NKIRAS1: variants seen among roughly 807,000 people sequenced by gnomAD.
NKIRAS1 encodes the protein NFKB inhibitor interacting Ras like 1.
A neutral mutation model predicts 19.8 loss-of-function variants in NKIRAS1; 16 were observed. The ratio of observed to expected loss-of-function variants is 0.81; its 90% CI spans 0.55 to 1.23. The LOEUF (loss-of-function observed/expected upper bound fraction) is 1.23, where lower values mean the gene tolerates loss of function less well. NKIRAS1 is among the 50% of genes most tolerant of loss of function. The pLI is 0.00. For missense variants in NKIRAS1, 184 were observed against 220.0 expected, an observed-to-expected ratio of 0.84 and a Z score of 1.04; for synonymous variants, 88 against 79.0, an observed-to-expected ratio of 1.11 and a Z score of -0.61.
chr3:23,929,788 T>A (rs6550810), intron 1 of NKIRAS1, among the ~76,000 whole-genome samples: 95,327 of 151,914 alleles, frequency 0.63, 30,166 homozygotes, highest in Middle Eastern at 0.72. Context: ...CAGACTTCTT[T>A]AACATAATAC....
At chr3:23,906,969 C>G (rs931858000) in intron 3 of NKIRAS1, among the ~76,000 whole-genome samples, 3 of 152,126 alleles carry the variant, frequency 2.0e-5, no homozygotes, top group African/African-American at 7.2e-5. Flanking sequence ...TCTTGGCTCA[C>G]GATAAACTCT....
chr3:23,919,363 G>A (rs373573769), upstream of NKIRAS1: 74 of 1,602,600 alleles, frequency 4.6e-5, no homozygotes, highest in African/African-American at 9.3e-4. Flanking sequence ...ACAAGCACAG[G>A]GAGATGCGTG....
At chr3:23,917,934 C>G (rs35629664), upstream of NKIRAS1, 10,209 of 1,613,670 alleles carry the variant, frequency 6.3e-3, 47 homozygotes, top group Middle Eastern at 0.017. Context: ...TTCTGAGGGT[C>G]CGCTGCTGGC....
chr3:23,918,276 C>T (rs1704798140), upstream of NKIRAS1: 1 of 927,190 alleles, frequency 1.1e-6, no homozygotes, highest in Middle Eastern at 3.5e-4. Flanking sequence ...GTGTGAGTAG[C>T]CTAAGGTGCA....
chr3:23,936,221 G>T (rs915135448), intron 1 of NKIRAS1, among the ~76,000 whole-genome samples: 3 of 151,996 alleles, frequency 2.0e-5, no homozygotes, highest in African/African-American at 7.2e-5. Context: ...AGAAGATCTG[G>T]AATCATAAAC....
chr3:23,895,301 C>A (rs1487558308), intron 4 of NKIRAS1, among the ~76,000 whole-genome samples: 2 of 152,148 alleles, frequency 1.3e-5, no homozygotes, highest in African/African-American at 2.4e-5. Flanking sequence ...CGTGAACTAC[C>A]ACATCCAGCC....
Position 23,901,036 on chromosome 3 carries a change from G to A in NKIRAS1, c.108C>T (p.Cys36=), listed in dbSNP as rs201045582. Residue 36 remains cysteine (C), a synonymous_variant, in exon 4 of 5, where the codon TGC becomes TGT. Transcript: ENST00000425478. ...CCATGTATACATCTTCCATTGTTTC[G>A]CAATCTTCCATTCCTGGGATTAAGA... is the stretch of plus-strand genomic sequence containing the variant. ...YGNHTIGMED[C]ETMEDVYMAS... 32 of 1,613,368 alleles carry A rather than the reference G, an allele frequency of 2.0e-5. No individual in the cohort carries two copies. Among genetic ancestry groups the A allele is most frequent in the South Asian group, 6.6e-5 (6 of 91,034 alleles).
Position 23,897,512 on chromosome 3 carries a change from C to T in NKIRAS1, c.336+3296G>A, listed in dbSNP as rs188070758. ...ATCATGTCATTCCTTTGCCCCAAACCAGTGCTTTCTGATCTCACTAAAAGT... is the reference window on the plus strand; with the variant it reads ...ATCATGTCATTCCTTTGCCCCAAACTAGTGCTTTCTGATCTCACTAAAAGT... On this transcript the variant is annotated intron_variant, in intron 4 of 4. Coordinates refer to ENST00000425478, the MANE Select transcript of NKIRAS1 (RefSeq NM_020345.4). Among the ~76,000 whole-genome samples, 3 of 152,274 alleles carry T rather than the reference C, an allele frequency of 2.0e-5. No homozygotes were observed. The East Asian group carries it at 5.8e-4, about 29-fold the overall frequency.
chr3:23,936,656 C>T (rs1446632726), intron 1 of NKIRAS1, among the ~76,000 whole-genome samples: 1 of 152,116 alleles, frequency 6.6e-6, no homozygotes, highest in Non-Finnish European at 1.5e-5. Flanking sequence ...AAGCGATTCT[C>T]CTGCCTCAGC....
At chr3:23,924,005 T>C (rs1017491680) in intron 1 of NKIRAS1, 44 of 152,244 alleles carry the variant, frequency 2.9e-4, no homozygotes, top group African/African-American at 1.1e-3. Context: ...TGCATTTAGG[T>C]TGGGGTCATA....
At chr3:23,912,433 T>C (rs542525543) in intron 1 of NKIRAS1, among the ~76,000 whole-genome samples, 36 of 152,134 alleles carry the variant, frequency 2.4e-4, no homozygotes, top group African/African-American at 8.4e-4. Context: ...AACAGACACA[T>C]GAAAAAATGC....
At chr3:23,934,371 C>T (rs945824267) in intron 1 of NKIRAS1, among the ~76,000 whole-genome samples, 2 of 152,308 alleles carry the variant, frequency 1.3e-5, no homozygotes, top group Middle Eastern at 3.4e-3. Context: ...AGAAAGCACA[C>T]ATTTTAGGCA....
At chr3:23,901,121 AGAAAT>A in intron 3 of NKIRAS1, 72 bp from the exon 4 acceptor site, 2 of 1,521,608 alleles carry the variant, frequency 1.3e-6, no homozygotes, top group South Asian at 2.5e-5. Context: ...CTTGTCCTTT[AGAAAT>A]TGGCTTTCTA....
chr3:23,946,466 TG>T (rs1705715707), exon 1 of NKIRAS1: 1 of 209,482 alleles, frequency 4.8e-6, no homozygotes, highest in African/African-American at 2.4e-5. Flanking sequence ...CCCCGCAGAC[TG>T]GGTAGCACCG....
chr3:23,925,136 A>T (rs1451395052), intron 1 of NKIRAS1, among the ~76,000 whole-genome samples: 1 of 152,158 alleles, frequency 6.6e-6, no homozygotes, highest in Non-Finnish European at 1.5e-5. Flanking sequence ...GAGAGAGAGA[A>T]TCAAATATTT....
chr3:23,900,661 A>G, intron 4 of NKIRAS1, 147 bp downstream of exon 4: 1 of 632,574 alleles, frequency 1.6e-6, no homozygotes, highest in Non-Finnish European at 2.6e-6. Flanking sequence ...AAAAAAAGAA[A>G]AAGAAAAAGA....
In NKIRAS1 at chr3:23,910,932, A is replaced by G; in HGVS notation, c.-17-11T>C. ...TCTCTCAGGATATCACTGTGGAGAG[A>G]ATAACAGGTCTTTTAAATTGTATAC... On this transcript the variant is annotated splice_polypyrimidine_tract_variant and intron_variant, in intron 2 of 4. Transcript: ENST00000425478. 1 of 1,572,612 alleles carries G rather than the reference A, an allele frequency of 6.4e-7. No homozygotes were observed. The highest frequency in any genetic ancestry group is 1.7e-5 in the Admixed American group (1 of 59,748).
At chr3:23,914,012 A>C (rs1224622407) in intron 1 of NKIRAS1, among the ~76,000 whole-genome samples, 1 of 152,212 alleles carries the variant, frequency 6.6e-6, no homozygotes, top group Admixed American at 6.5e-5. Flanking sequence ...AATAAAATTC[A>C]ATCTGTGACC....
intron 4 of NKIRAS1, among the ~76,000 whole-genome samples, chr3:23,898,055 C>G (rs897639374): frequency 6.6e-6 from 1 of 152,004 alleles, no homozygotes; most frequent in Non-Finnish European, 1.5e-5. Flanking sequence ...ATTTAAGTAT[C>G]TAGTACGTGA....
Sources: gnomAD v4.1 joint callset for allele counts (sites outside exome capture counted in the v4.1 genomes callset) on GRCh38, gnomAD v4.1.1 for gene constraint, MANE v1.5 for transcripts, NCBI Gene and HGNC (gene_info 2026-07-23, HGNC 2026-07-21) for gene names.